MAPKAP1: variants seen among roughly 807,000 people sequenced by gnomAD.
MAPKAP1 encodes MAPK associated protein 1, also known as target of rapamycin complex 2 subunit MAPKAP1.
A neutral mutation model predicts 65.7 loss-of-function variants in MAPKAP1; 20 were observed. The observed-to-expected ratio is 0.30, with a 90% CI of 0.21 to 0.44. The LOEUF (loss-of-function observed/expected upper bound fraction) is 0.44, where lower values mean the gene tolerates loss of function less well. Ranked by LOEUF, MAPKAP1 falls within the 20% of genes least tolerant of loss-of-function variation. The probability of loss-of-function intolerance (pLI) is 1.00; values close to 1 mark genes in which losing one functional copy is unlikely to be tolerated. For missense variants in MAPKAP1, 423 were observed against 648.0 expected, an observed-to-expected ratio of 0.65 and a Z score of 3.77; for synonymous variants, 222 against 244.3, an observed-to-expected ratio of 0.91 and a Z score of 0.85.
intron 7 of MAPKAP1, among the ~76,000 whole-genome samples, chr9:125,520,959 C>A (rs1829599635): frequency 6.6e-6 from 1 of 152,202 alleles, no homozygotes; most frequent in Non-Finnish European, 1.5e-5. Flanking sequence ...CAGTCTGGTT[C>A]TCTTACCCAG....
At chr9:125,443,706 C>T (rs1403890391) in intron 11 of MAPKAP1, among the ~76,000 whole-genome samples, 1 of 139,836 alleles carries the variant, frequency 7.2e-6, no homozygotes, top group South Asian at 2.4e-4. Flanking sequence ...GCTCCCCCAG[C>T]CCCCCCAGCC....
chr9:125,468,172 G>T, intron 9 of MAPKAP1, 63 bp from the exon 10 acceptor site: 2 of 1,527,644 alleles, frequency 1.3e-6, no homozygotes, highest in Non-Finnish European at 1.8e-6. Context: ...GTGATTTCAG[G>T]GAAATCATTT....
intron 10 of MAPKAP1, among the ~76,000 whole-genome samples, chr9:125,445,317 G>A (rs1246473615): frequency 2.0e-5 from 3 of 152,176 alleles, no homozygotes; most frequent in Admixed American, 1.3e-4. Context: ...ATCTCACTCC[G>A]CTGCCCCGAC....
intron 7 of MAPKAP1, among the ~76,000 whole-genome samples, chr9:125,520,470 C>T (rs1829587712): frequency 6.6e-6 from 1 of 152,186 alleles, no homozygotes; most frequent in Admixed American, 6.5e-5. Flanking sequence ...TGTGTCTTTG[C>T]TCATACTAGT....
chr9:125,614,491 G>A (rs1832689811), intron 4 of MAPKAP1, among the ~76,000 whole-genome samples: 1 of 152,130 alleles, frequency 6.6e-6, no homozygotes, highest in Non-Finnish European at 1.5e-5. Flanking sequence ...GGGTGTGGTA[G>A]CAGGCGCCTG....
intron 4 of MAPKAP1, among the ~76,000 whole-genome samples, chr9:125,627,525 A>G (rs1833149438): frequency 6.6e-6 from 1 of 152,170 alleles, no homozygotes; most frequent in Admixed American, 6.5e-5. Context: ...CCTGGCCTGC[A>G]CTGAGAAAGG....
intron 1 of MAPKAP1, among the ~76,000 whole-genome samples, chr9:125,704,017 G>A (rs901380354): frequency 6.6e-6 from 1 of 152,294 alleles, no homozygotes; most frequent in African/African-American, 2.4e-5. Context: ...ATAAGGCTAT[G>A]AGCTCCTTTA....
chr9:125,527,346 G>A (rs996203945), intron 7 of MAPKAP1, among the ~76,000 whole-genome samples: 1 of 152,174 alleles, frequency 6.6e-6, no homozygotes, highest in African/African-American at 2.4e-5. Flanking sequence ...GATTACAGGC[G>A]TGAGCCACCG....
chr9:125,669,015 AC>A (rs1475462318), intron 3 of MAPKAP1, among the ~76,000 whole-genome samples: 2 of 152,014 alleles, frequency 1.3e-5, no homozygotes, highest in Non-Finnish European at 2.9e-5. Flanking sequence ...CTCCATCTCT[AC>A]TAAAAATACA....
chr9:125,459,542 C>T (rs928338876), intron 10 of MAPKAP1, among the ~76,000 whole-genome samples: 2 of 152,062 alleles, frequency 1.3e-5, no homozygotes, highest in Admixed American at 6.6e-5. Context: ...ACTGAGTGAA[C>T]GAGACTCCGT....
At chr9:125,543,262 GT>G (rs1830309452) in intron 6 of MAPKAP1, 94 bp from the exon 7 acceptor site, 6 of 937,684 alleles carry the variant, frequency 6.4e-6, no homozygotes, top group Non-Finnish European at 8.5e-6. Context: ...TTTTTTTGTT[GT>G]TGTTTGTTTT....
chr9:125,535,625 T>C (rs773390608), intron 7 of MAPKAP1, among the ~76,000 whole-genome samples: 11 of 152,212 alleles, frequency 7.2e-5, no homozygotes, highest in Admixed American at 6.5e-4. Context: ...AAGCGAGGCT[T>C]AGAGAGGTTA....
At chr9:125,506,513 C>A in intron 7 of MAPKAP1, 96 bp from the exon 8 acceptor site, 1 of 1,026,350 alleles carries the variant, frequency 9.7e-7, no homozygotes, top group Non-Finnish European at 1.5e-6. Context: ...CTGATAAAGC[C>A]TTAGTAAAGT....
At chr9:125,698,288 A>AAATAT (rs1256292184) in intron 1 of MAPKAP1, among the ~76,000 whole-genome samples, 4 of 49,046 alleles carry the variant, frequency 8.2e-5, no homozygotes, top group African/African-American at 4.4e-4. Flanking sequence ...AATATATATA[A>AAATAT]ATATATATAT....
Position 125,570,916 on chromosome 9 carries a change from C to T in MAPKAP1, c.672-11107G>A, listed in dbSNP as rs192060666. Among the ~76,000 whole-genome samples, 647 of 150,288 alleles carry T rather than the reference C, an allele frequency of 4.3e-3. 4 individuals carry two copies. Among genetic ancestry groups the T allele is most frequent in the African/African-American group, 0.015 (605 of 40,698 alleles). ...GTTTTTCTTAGCGCACTCATCTGCT[C>T]TTTCATAAAAAAAAAAAATGTAAAG... is the stretch of plus-strand genomic sequence containing the variant. On this transcript the variant is annotated intron_variant, in intron 5 of 11. Transcript: ENST00000265960.
In MAPKAP1 at chr9:125,447,421, G is replaced by A. The variant is rs573833370; in HGVS notation, c.1346-2823C>T. On this transcript the variant is annotated intron_variant, in intron 10 of 11. Transcript: ENST00000265960. The surrounding 1 kb of genome is among the most constrained non-coding windows in gnomAD (Gnocchi z 4.5). ...CAGCTGCAAAGTTAATCACTGGGCC[G>A]AGGCACGGTGGACAGCCACAGCAGA... 1.3e-5 allele frequency: 6 copies of A among 456,660 alleles called. No homozygotes were observed. The highest frequency in any genetic ancestry group is 2.6e-5 in the Non-Finnish European group (6 of 226,968). The allele number at this position is 456,660 out of a possible 1,614,324, so 28.3% of individuals were successfully genotyped here. A position where few individuals can be genotyped will look rare whatever the true frequency, so the allele number is the denominator to read the frequency against.
chr9:125,521,412 G>A (rs1477011764), intron 7 of MAPKAP1: 16 of 1,010,430 alleles, frequency 1.6e-5, no homozygotes, highest in Non-Finnish European at 1.8e-5. Flanking sequence ...GAGTCACTGT[G>A]ACAATACCAA....
At chr9:125,699,771 G>A (rs1387342415) in intron 1 of MAPKAP1, among the ~76,000 whole-genome samples, 7 of 151,696 alleles carry the variant, frequency 4.6e-5, no homozygotes, top group South Asian at 2.1e-4. Flanking sequence ...ACAGATGTGC[G>A]CCACCATGCC....
intron 4 of MAPKAP1, among the ~76,000 whole-genome samples, chr9:125,632,309 C>T (rs937274046): frequency 1.3e-5 from 2 of 152,066 alleles, no homozygotes; most frequent in East Asian, 3.8e-4. Context: ...TCTGACTTCC[C>T]TACAAGATTA....
Sources: gnomAD v4.1 joint callset for allele counts (sites outside exome capture counted in the v4.1 genomes callset) on GRCh38, gnomAD v4.1.1 for gene constraint, Gnocchi (gnomAD v3.1) non-coding constraint, MANE v1.5 for transcripts, NCBI Gene and HGNC (gene_info 2026-07-23, HGNC 2026-07-21) for gene names.